FANCM: variants seen among roughly 807,000 people sequenced by gnomAD.
FANCM encodes FA complementation group M.
Under a neutral mutation model 199.5 loss-of-function variants are expected in FANCM, and 140 were observed. The observed-to-expected ratio is 0.70, with a 90% CI of 0.61 to 0.81. The LOEUF (loss-of-function observed/expected upper bound fraction) is 0.81, where lower values mean the gene tolerates loss of function less well. FANCM is among the 30% of genes least tolerant of loss of function. The pLI, the probability that FANCM is intolerant of heterozygous loss-of-function variation, is 0.00. For missense variants in FANCM, 2,410 were observed against 2,421.4 expected (o/e 1.00, Z 0.10); for synonymous variants, 840 against 836.8 (o/e 1.00, Z -0.07).
chr14:45,164,437 G>A lies in FANCM; in HGVS notation c.1660G>A (p.Glu554Lys), dbSNP rs769625813. The A allele has an allele frequency of 2.5e-6, 4 of 1,613,570 alleles. No homozygotes were observed. Among genetic ancestry groups the A allele is most frequent in the South Asian group, 2.2e-5 (2 of 91,054 alleles). Reference protein sequence around the residue: ...CVGEEGLDIGEVDLIICFDSQ... With the variant: ...CVGEEGLDIGKVDLIICFDSQ... ...GGGTGAAGAAGGTTTGGATATAGGA[G>A]AAGTTGATCTTATAATATGTTTTGA... The change falls in exon 10 of 23, where the codon GAA becomes AAA. Residue 554 changes from glutamate to lysine, a missense_variant. Coordinates refer to ENST00000267430, the MANE Select transcript of FANCM (RefSeq NM_020937.4).
intron 21 of FANCM, 80 bp from the exon 22 acceptor site, chr14:45,198,564 T>TTCC: frequency 2.3e-6 from 2 of 883,886 alleles, no homozygotes; most frequent in Non-Finnish European, 3.3e-6. Flanking sequence ...ATCTTGGGAT[T>TTCC]TTAATAAAAT....
intron 14 of FANCM, among the ~76,000 whole-genome samples, chr14:45,179,607 G>A (rs1888939354): frequency 7.0e-6 from 1 of 143,236 alleles, no homozygotes; most frequent in East Asian, 2.0e-4. Flanking sequence ...TGTCACCCAG[G>A]CTGGAGTGCA....
chr14:45,196,426 G>T lies in FANCM; in HGVS notation c.5595G>T (p.Arg1865Ser). ...YIVSNRMVVE[R>S]RSQSEMLNSV... is the part of the protein sequence containing the mutation. ...TGAGTAATCGCATGGTGGTGGAAAG[G>T]AGGTCTCAATCTGAGATGTTAAATA... The change falls in exon 21 of 23, where the codon AGG becomes AGT. Residue 1865 changes from arginine to serine, a missense_variant. Transcript: ENST00000267430. 1.2e-6 allele frequency: 2 copies of T among 1,614,180 alleles called. No homozygotes were observed. The highest frequency in any genetic ancestry group is 1.7e-6 in the Non-Finnish European group (2 of 1,180,026).
At chr14:45,153,492 A>G (rs1233595588) in intron 5 of FANCM, among the ~76,000 whole-genome samples, 1 of 152,236 alleles carries the variant, frequency 6.6e-6, no homozygotes, top group Non-Finnish European at 1.5e-5. Flanking sequence ...AGGATAGGCC[A>G]TATCTAACTT....
chr14:45,174,265 T>G (rs1470585736), intron 13 of FANCM, among the ~76,000 whole-genome samples: 1 of 151,872 alleles, frequency 6.6e-6, no homozygotes, highest in Non-Finnish European at 1.5e-5. Context: ...CACATGCCTG[T>G]AATCCCAGCT....
Position 45,173,535 on chromosome 14 carries a change from T to C in FANCM, c.2316+325T>C, listed in dbSNP as rs546606514. Among the ~76,000 whole-genome samples the C allele has an allele frequency of 3.3e-5, 5 of 152,336 alleles. No individual in the cohort carries two copies. The South Asian group carries it at 1.0e-3, about 32-fold the overall frequency. ...TCTCTGTCATCTAGGTTATTTGATA[T>C]CTTTCTTGTATCCTGGTCCTAGTTT... On this transcript the variant is annotated intron_variant, in intron 13 of 22. Coordinates refer to ENST00000267430, the MANE Select transcript of FANCM (RefSeq NM_020937.4).
At chr14:45,179,561 C>CTTTTTTTTTTTT (rs36031280) in intron 14 of FANCM, among the ~76,000 whole-genome samples, 2 of 95,508 alleles carry the variant, frequency 2.1e-5, no homozygotes, top group Non-Finnish European at 2.1e-5. Context: ...TTCTTTCTTT[C>CTTTTTTTTTTTT]TTTTTTTTTT....
intron 13 of FANCM, among the ~76,000 whole-genome samples, chr14:45,173,941 A>G (rs566877746): frequency 6.6e-4 from 101 of 152,318 alleles, no homozygotes; most frequent in Admixed American, 4.6e-3. Flanking sequence ...ATTAACATAT[A>G]TTTATTGAGT....
intron 2 of FANCM, among the ~76,000 whole-genome samples, chr14:45,138,828 A>G (rs1480038377): frequency 6.6e-6 from 1 of 152,174 alleles, no homozygotes; most frequent in Non-Finnish European, 1.5e-5. Flanking sequence ...TTCCAGATAT[A>G]CATTCCAATA....
At chr14:45,196,570 GT>G (rs1463945548) in intron 21 of FANCM, 23 bp downstream of exon 21, 1 of 1,606,040 alleles carries the variant, frequency 6.2e-7, no homozygotes, top group Non-Finnish European at 8.5e-7. Flanking sequence ...AAATATCTTT[GT>G]TTATAAGACT....
In FANCM at chr14:45,175,269, A is replaced by G; in HGVS notation, c.2515A>G (p.Ile839Val). 2 of 1,602,114 alleles carry G rather than the reference A, an allele frequency of 1.2e-6. No homozygotes were observed. The highest frequency in any genetic ancestry group is 1.7e-6 in the Non-Finnish European group (2 of 1,175,548). ...AGAATCTGATGAAGAATGTGCTGAA[A>G]TTGTTAAACAAACTCATATCAAACC... ...VIESDEECAE[I>V]VKQTHIKPTK... Residue 839 changes from isoleucine to valine, a missense_variant, in exon 14 of 23, where the codon ATT (isoleucine) becomes GTT (valine). Physicochemically the swap from Ile to Val is conservative, Grantham distance 29. Coordinates refer to ENST00000267430, the MANE Select transcript of FANCM (RefSeq NM_020937.4).
intron 11 of FANCM, among the ~76,000 whole-genome samples, chr14:45,169,237 T>C (rs1888181211): frequency 6.6e-6 from 1 of 152,006 alleles, no homozygotes; most frequent in Non-Finnish European, 1.5e-5. Flanking sequence ...GAGTTTATTT[T>C]AAGGGACTGG....
In FANCM at chr14:45,170,716, T is replaced by G. The variant is rs764723328; in HGVS notation, c.2130T>G (p.Phe710Leu). The G allele has an allele frequency of 6.2e-7, 1 of 1,611,892 alleles. No individual in the cohort carries two copies. The highest frequency in any genetic ancestry group is 1.1e-5 in the South Asian group (1 of 91,012). Residue 710 changes from phenylalanine to leucine, a missense_variant, in exon 12 of 23, where the codon TTT (phenylalanine) becomes TTG (leucine). Physicochemically the swap from Phe to Leu is conservative, Grantham distance 22. Coordinates refer to ENST00000267430, the MANE Select transcript of FANCM (RefSeq NM_020937.4). ...IKEITLPQVQ[F>L]SSLQNEENKP... is the part of the protein sequence containing the mutation. Reference sequence around the variant, plus strand: ...AGATAACATTGCCTCAAGTTCAGTTTTCTTCTTTACAAAATGAGGAAAACA... The same window carrying G: ...AGATAACATTGCCTCAAGTTCAGTTGTCTTCTTTACAAAATGAGGAAAACA...
chr14:45,169,836 A>G (rs1476371625), intron 11 of FANCM, among the ~76,000 whole-genome samples: 1 of 152,194 alleles, frequency 6.6e-6, no homozygotes, highest in Non-Finnish European at 1.5e-5. Context: ...TATACTATAC[A>G]TATTTTTAAA....
Position 45,176,011 on chromosome 14 carries a change from A to C in FANCM, c.3257A>C (p.His1086Pro), listed in dbSNP as rs565047214. 1.9e-6 allele frequency: 3 copies of C among 1,613,808 alleles called. No individual in the cohort carries two copies. In the Admixed American group the frequency reaches 5.0e-5, roughly 27 times the overall value. ...DEPSLCDCDV[H>P]KHNQNENLVP... is the part of the protein sequence containing the mutation. ...CCAAGTCTCTGTGACTGTGATGTAC[A>C]TAAACATAATCAAAATGAAAATTTA... Residue 1086 changes from histidine to proline, a missense_variant, in exon 14 of 23, where the codon CAT becomes CCT. Coordinates refer to ENST00000267430, the MANE Select transcript of FANCM (RefSeq NM_020937.4).
intron 12 of FANCM, among the ~76,000 whole-genome samples, chr14:45,172,214 A>G (rs1229006432): frequency 2.0e-5 from 3 of 152,096 alleles, no homozygotes; most frequent in Admixed American, 6.6e-5. Context: ...ATTTTCTCCT[A>G]CCCTGTGGGT....
chr14:45,199,936 T>C lies in FANCM; in HGVS notation c.6075T>C (p.Tyr2025=), dbSNP rs180764458. 3.1e-6 allele frequency: 5 copies of C among 1,601,948 alleles called. No individual in the cohort carries two copies. The highest frequency in any genetic ancestry group is 2.2e-5 in the East Asian group (1 of 44,668). The change falls in exon 23 of 23, where the codon TAT becomes TAC. Residue 2025 remains tyrosine (Y), a synonymous_variant. Coordinates refer to ENST00000267430, the MANE Select transcript of FANCM (RefSeq NM_020937.4). ...THQKAEEIYR[Y]IHYVFDIQML... ...AGAAGGCTGAGGAGATCTATAGATA[T>C]ATTCACTATGTATTTGACATACAAA...
intron 1 of FANCM, 113 bp from the exon 2 acceptor site, chr14:45,136,953 ATTG>A (rs1248893489): frequency 2.4e-6 from 2 of 828,016 alleles, no homozygotes; most frequent in African/African-American, 3.4e-5. Context: ...GAATTGTCAA[ATTG>A]TTTTTCTCTT....
rs1885453065 is a variant in FANCM at position 45,135,979 on chromosome 14, G to A, written c.-53G>A. On this transcript the variant is annotated 5_prime_UTR_variant, in exon 1 of 23. Coordinates refer to ENST00000267430, the MANE Select transcript of FANCM (RefSeq NM_020937.4). ...GATGGGGATCGGAACCGTAGCGGTTGAGCTGCTGCTGCTACGGATATCTGA... is the reference window on the plus strand; with the variant it reads ...GATGGGGATCGGAACCGTAGCGGTTAAGCTGCTGCTGCTACGGATATCTGA... 1 of 1,599,896 alleles carries A rather than the reference G, an allele frequency of 6.3e-7. No homozygotes were observed. Among genetic ancestry groups the A allele is most frequent in the African/African-American group, 1.3e-5 (1 of 74,670 alleles).
Sources: gnomAD v4.1 joint callset for allele counts (sites outside exome capture counted in the v4.1 genomes callset) on GRCh38, gnomAD v4.1.1 for gene constraint, MANE v1.5 for transcripts, NCBI Gene and HGNC (gene_info 2026-07-23, HGNC 2026-07-21) for gene names.